ROBO2: variants seen among roughly 807,000 people sequenced by gnomAD.
ROBO2 encodes the protein roundabout guidance receptor 2, also known as roundabout homolog 2.
In ROBO2, 53 loss-of-function variants were observed where a neutral mutation model predicts 160.8. That is an observed-to-expected ratio of 0.33 (90% CI 0.26 to 0.41). The LOEUF is 0.41. ROBO2 is among the 10% of genes least tolerant of loss of function. The probability of loss-of-function intolerance (pLI) is 1.00; values close to 1 mark genes in which losing one functional copy is unlikely to be tolerated. For missense variants in ROBO2, 1,577 were observed against 1,722.4 expected (o/e 0.92, Z 1.49); for synonymous variants, 664 against 611.7 (o/e 1.09, Z -1.26).
At chr3:76,568,496 C>T (rs546004048) in intron 2 of ROBO2, among the ~76,000 whole-genome samples, 4 of 149,822 alleles carry the variant, frequency 2.7e-5, no homozygotes, top group African/African-American at 4.9e-5. Context: ...TTAGTAGAGA[C>T]GGGGTTTCAC....
intron 2 of ROBO2, among the ~76,000 whole-genome samples, chr3:76,814,902 A>G (rs1146008): frequency 0.26 from 39,839 of 151,666 alleles, 5,566 homozygotes; most frequent in East Asian, 0.44. Context: ...GGGGTGGGAG[A>G]GGAAGTCATT....
At chr3:77,282,149 A>ATT (rs71104669) in intron 2 of ROBO2, among the ~76,000 whole-genome samples, 1 of 151,848 alleles carries the variant, frequency 6.6e-6, no homozygotes, top group East Asian at 1.9e-4. Context: ...ATAATCAACC[A>ATT]TTTTTTTCTA....
At chr3:76,351,171 G>C (rs905611295) in intron 2 of ROBO2, among the ~76,000 whole-genome samples, 2 of 151,810 alleles carry the variant, frequency 1.3e-5, no homozygotes, top group African/African-American at 4.8e-5. Flanking sequence ...TTGAACCACA[G>C]AAAGTTTATC....
intron 22 of ROBO2, among the ~76,000 whole-genome samples, chr3:77,620,818 A>C (rs538161544): frequency 6.6e-6 from 1 of 152,340 alleles, no homozygotes; most frequent in South Asian, 2.1e-4. Flanking sequence ...AAGTAATCTA[A>C]TGTCTTTCAT....
chr3:77,480,302 C>A (rs1354525014), intron 3 of ROBO2, among the ~76,000 whole-genome samples: 17 of 145,760 alleles, frequency 1.2e-4, no homozygotes, highest in Admixed American at 2.0e-4. Flanking sequence ...AAATGAGTAC[C>A]AAAAAAAAAA....
At chr3:77,239,226 T>C (rs2088574753) in intron 2 of ROBO2, among the ~76,000 whole-genome samples, 1 of 152,186 alleles carries the variant, frequency 6.6e-6, no homozygotes, top group African/African-American at 2.4e-5. Flanking sequence ...TTCTTCCTTC[T>C]GTTGGGTTCG....
At chr3:76,481,074 A>G (rs2079181578) in intron 2 of ROBO2, among the ~76,000 whole-genome samples, 1 of 152,142 alleles carries the variant, frequency 6.6e-6, no homozygotes, top group Admixed American at 6.6e-5. Context: ...AGCCATACCC[A>G]GTGATAGGAG....
intron 2 of ROBO2, among the ~76,000 whole-genome samples, chr3:76,788,206 A>G (rs2063122952): frequency 6.6e-6 from 1 of 151,408 alleles, no homozygotes; most frequent in African/African-American, 2.4e-5. Context: ...ATATAATAAT[A>G]AAAAATAGAC....
Position 76,085,110 on chromosome 3 carries a change from T to TACACACAC in ROBO2, c.109+147509_109+147510insCACACACA, listed in dbSNP as rs879918403. On this transcript the variant is annotated intron_variant, in intron 2 of 26. Coordinates refer to the ROBO2 transcript ENST00000487694. Reference sequence around the variant, plus strand: ...ACAAACCCCCCAGTTTACATATATATATATATACACACACACACACACACA... The same window carrying TACACACAC: ...ACAAACCCCCCAGTTTACATATATATACACACACATATATACACACACACACACACACA... Among the ~76,000 whole-genome samples, 18 of 144,076 alleles carry TACACACAC rather than the reference T, an allele frequency of 1.2e-4. No individual in the cohort carries two copies. The East Asian group carries it at 3.1e-3, about 25-fold the overall frequency. 94.5% of individuals were successfully genotyped at this position (144,076 alleles called of 152,430 possible).
intron 2 of ROBO2, among the ~76,000 whole-genome samples, chr3:75,948,135 C>T (rs1948389686): frequency 6.6e-6 from 1 of 151,988 alleles, no homozygotes; most frequent in Non-Finnish European, 1.5e-5. Flanking sequence ...TTGGAATGGG[C>T]TTAAGCATTA....
intron 2 of ROBO2, among the ~76,000 whole-genome samples, chr3:76,346,263 T>C (rs995113884): frequency 4.0e-4 from 61 of 152,186 alleles, no homozygotes; most frequent in African/African-American, 1.3e-3. Flanking sequence ...TTTTTTTTTT[T>C]TTGAGACAGA....
At chr3:76,369,859 TCTTA>T (rs1176769783) in intron 2 of ROBO2, among the ~76,000 whole-genome samples, 5 of 152,002 alleles carry the variant, frequency 3.3e-5, no homozygotes, top group Admixed American at 2.0e-4. Flanking sequence ...TACAACTGCC[TCTTA>T]CTTGTTTCTC....
intron 2 of ROBO2, among the ~76,000 whole-genome samples, chr3:76,730,202 GTCCTCACCTCCTACTCCCTACCCACCTC>G (rs1470826004): frequency 0.27 from 30,242 of 112,598 alleles, 10,300 homozygotes; most frequent in Non-Finnish European, 0.33. Flanking sequence ...CTACTCGCTT[GTCCTCACCTCCTACTCCCTACCCACCTC>G]TCCTCACCTC....
intron 2 of ROBO2, among the ~76,000 whole-genome samples, chr3:76,669,919 GTTTTCTTAT>G (rs2092198481): frequency 6.6e-6 from 1 of 152,092 alleles, no homozygotes; most frequent in Non-Finnish European, 1.5e-5. Flanking sequence ...AGGGAGACTT[GTTTTCTTAT>G]ACTACCCAAT....
At chr3:77,291,239 G>T (rs564468027) in intron 2 of ROBO2, among the ~76,000 whole-genome samples, 1 of 151,796 alleles carries the variant, frequency 6.6e-6, no homozygotes, top group Non-Finnish European at 1.5e-5. Context: ...AAGACATAAA[G>T]TAAAATTGAC....
chr3:77,345,070 C>A (rs1305793996), intron 2 of ROBO2, among the ~76,000 whole-genome samples: 4 of 151,632 alleles, frequency 2.6e-5, no homozygotes, highest in African/African-American at 9.7e-5. Context: ...GCTTGGGAAA[C>A]ACCCTTAAAA....
At chr3:76,867,579 C>T (rs1016930573) in intron 2 of ROBO2, among the ~76,000 whole-genome samples, 4 of 152,182 alleles carry the variant, frequency 2.6e-5, no homozygotes, top group Non-Finnish European at 5.9e-5. Context: ...AATGCAACCA[C>T]GATGGACTTG....
At chr3:76,560,699 C>A (rs537283823) in intron 2 of ROBO2, among the ~76,000 whole-genome samples, 21 of 150,316 alleles carry the variant, frequency 1.4e-4, no homozygotes, top group South Asian at 6.3e-4. Context: ...CTTTTTCCCC[C>A]ACATATTAAC....
At chr3:75,987,746 T>C (rs2065453233) in intron 2 of ROBO2, among the ~76,000 whole-genome samples, 1 of 151,958 alleles carries the variant, frequency 6.6e-6, no homozygotes, top group South Asian at 2.1e-4. Context: ...GTTTGTTGAG[T>C]GTTTTTGATA....
Sources: allele counts gnomAD v4.1 joint callset (sites outside exome capture counted in the v4.1 genomes callset), GRCh38; gene constraint gnomAD v4.1.1; transcripts MANE v1.5; gene names NCBI Gene and HGNC (gene_info 2026-07-23, HGNC 2026-07-21).